The following GREM2 variants were observed in gnomAD, a reference collection of about 807,000 sequenced individuals.
The protein encoded by GREM2 is gremlin 2, DAN family BMP antagonist, also known as gremlin-2.
Under a neutral mutation model 14.2 loss-of-function variants are expected in GREM2, and 11 were observed. That is an observed-to-expected ratio of 0.78 (90% CI 0.49 to 1.28). The LOEUF (loss-of-function observed/expected upper bound fraction) is 1.28, where lower values mean the gene tolerates loss of function less well. Among genes scored for constraint, GREM2 ranks in the 50% most tolerant of loss-of-function variants. GREM2 has a pLI of 0.00. For synonymous variants in GREM2, 98 were observed against 97.6 expected (o/e 1.00, Z -0.02); for missense variants, 210 against 218.5 (o/e 0.96, Z 0.24).
intron 1 of GREM2, among the ~76,000 whole-genome samples, chr1:240,562,788 T>TGA (rs1491305190): frequency 1.4e-5 from 2 of 144,240 alleles, no homozygotes; most frequent in African/African-American, 2.4e-5. Flanking sequence ...TGAGTGTGTA[T>TGA]GTGTGTATGT....
chr1:240,574,010 C>T (rs1015388191), intron 1 of GREM2, among the ~76,000 whole-genome samples: 14 of 152,128 alleles, frequency 9.2e-5, no homozygotes, highest in African/African-American at 3.1e-4. Flanking sequence ...ACCTCTGCCT[C>T]CCAGGTTCAG....
chr1:240,504,486 G>C (rs1677639012), intron 1 of GREM2, among the ~76,000 whole-genome samples: 1 of 152,138 alleles, frequency 6.6e-6, no homozygotes, highest in Non-Finnish European at 1.5e-5. Flanking sequence ...TGTTGAGGAA[G>C]TGCCTACAAT....
chr1:240,599,995 T>G (rs965510757), intron 1 of GREM2, among the ~76,000 whole-genome samples: 1 of 152,190 alleles, frequency 6.6e-6, no homozygotes, highest in East Asian at 1.9e-4. Flanking sequence ...CTGGCACATA[T>G]CCTGCAGCTG....
intron 1 of GREM2, among the ~76,000 whole-genome samples, chr1:240,603,658 G>A (rs1402342735): frequency 6.6e-6 from 1 of 152,006 alleles, no homozygotes; most frequent in Non-Finnish European, 1.5e-5. Flanking sequence ...CCCATGGACT[G>A]CCTTAAAGTC....
rs1433069975 is a variant in GREM2 at position 240,532,176 on chromosome 1, C to A, written c.-1-38700G>T. 5.3e-5 allele frequency among the ~76,000 whole-genome samples: 8 copies of A among 151,278 alleles called. No homozygotes were observed. In the East Asian group the frequency reaches 1.2e-3, roughly 23 times the overall value. ...TCGGCTCACTGCAACCTCCGCCTCC[C>A]AGGTTCAAGTGATTCTCCTGCCTCA... On this transcript the variant is annotated intron_variant, in intron 1 of 1. Coordinates refer to ENST00000318160, the MANE Select transcript of GREM2 (RefSeq NM_022469.4).
rs192570197 is a variant in GREM2 at position 240,519,683 on chromosome 1, T to C, written c.-1-26207A>G. 3.3e-3 allele frequency among the ~76,000 whole-genome samples: 500 copies of C among 152,300 alleles called. 5 individuals are homozygous for C. The highest frequency in any genetic ancestry group is 0.029 in the South Asian group (142 of 4,824). ...TTGTTTGTCTACTCTGTACTGGGGA[T>C]AAAAAGATACATTTTTTTTTTCTTG... On this transcript the variant is annotated intron_variant, in intron 1 of 1. Coordinates refer to ENST00000318160, the MANE Select transcript of GREM2 (RefSeq NM_022469.4).
chr1:240,568,828 T>C (rs1679212350), intron 1 of GREM2, among the ~76,000 whole-genome samples: 1 of 152,184 alleles, frequency 6.6e-6, no homozygotes, highest in South Asian at 2.1e-4. Context: ...GGTTGCAGGA[T>C]AAAAGGTCAA....
chr1:240,547,522 T>TAG (rs1558158085), intron 1 of GREM2, among the ~76,000 whole-genome samples: 3 of 125,272 alleles, frequency 2.4e-5, no homozygotes, highest in East Asian at 2.4e-4. Context: ...AAAATATATA[T>TAG]ATATATATAT....
intron 1 of GREM2, among the ~76,000 whole-genome samples, chr1:240,496,253 G>A (rs1300661344): frequency 1.3e-5 from 2 of 152,032 alleles, no homozygotes; most frequent in African/African-American, 4.8e-5. Flanking sequence ...TCACAGGGTC[G>A]GACGAGCCTT....
chr1:240,574,318 A>G (rs528706067), intron 1 of GREM2, among the ~76,000 whole-genome samples: 5 of 152,272 alleles, frequency 3.3e-5, no homozygotes, highest in African/African-American at 1.2e-4. Flanking sequence ...ATAATGCAAA[A>G]AGGTATCATC....
At chr1:240,563,028 A>G (rs1444485762) in intron 1 of GREM2, among the ~76,000 whole-genome samples, 1 of 139,886 alleles carries the variant, frequency 7.1e-6, no homozygotes, top group Non-Finnish European at 1.5e-5. Context: ...GTATGTGTGT[A>G]TATGAGTGTG....
At chr1:240,582,162 G>C (rs555199449) in intron 1 of GREM2, among the ~76,000 whole-genome samples, 2 of 152,332 alleles carry the variant, frequency 1.3e-5, no homozygotes, top group South Asian at 4.1e-4. Flanking sequence ...GGATGGCCGG[G>C]CTCGATGGCT....
intron 1 of GREM2, among the ~76,000 whole-genome samples, chr1:240,563,186 CGT>C (rs548877103): frequency 1.9e-3 from 286 of 147,230 alleles, no homozygotes; most frequent in African/African-American, 4.9e-3. Flanking sequence ...TGTATGTGTA[CGT>C]GTGTGAGTGT....
intron 1 of GREM2, among the ~76,000 whole-genome samples, chr1:240,509,837 A>G (rs78903083): frequency 0.031 from 4,779 of 152,246 alleles, 265 homozygotes; most frequent in African/African-American, 0.11. Flanking sequence ...TGCATATTCA[A>G]TATGAAGAAG....
intron 1 of GREM2, among the ~76,000 whole-genome samples, chr1:240,580,053 C>T (rs1356973308): frequency 1.3e-5 from 2 of 152,018 alleles, no homozygotes; most frequent in African/African-American, 4.8e-5. Context: ...ATTTAGACTC[C>T]GCTTCTGGAT....
chr1:240,526,610 A>G (rs1025211206), intron 1 of GREM2, among the ~76,000 whole-genome samples: 1 of 152,134 alleles, frequency 6.6e-6, no homozygotes, highest in African/African-American at 2.4e-5. Context: ...TAAATATTCT[A>G]TTACTGATCT....
chr1:240,535,215 C>T (rs1678448924), intron 1 of GREM2, among the ~76,000 whole-genome samples: 1 of 151,820 alleles, frequency 6.6e-6, no homozygotes, highest in South Asian at 2.1e-4. Context: ...TCCATTATAC[C>T]CACGATAACA....
At chr1:240,583,642 G>T (rs369411328) in intron 1 of GREM2, among the ~76,000 whole-genome samples, 1 of 146,442 alleles carries the variant, frequency 6.8e-6, no homozygotes, top group East Asian at 2.0e-4. Context: ...TCACTCTGTC[G>T]CCAGGCTGGA....
chr1:240,606,153 A>C (rs1680020409), intron 1 of GREM2, among the ~76,000 whole-genome samples: 1 of 152,190 alleles, frequency 6.6e-6, no homozygotes, highest in Non-Finnish European at 1.5e-5. Flanking sequence ...GCTCTAAATT[A>C]GCTGCAGCTG....
Sources: allele counts gnomAD v4.1 joint callset (sites outside exome capture counted in the v4.1 genomes callset), GRCh38; gene constraint gnomAD v4.1.1; transcripts MANE v1.5; gene names NCBI Gene and HGNC (gene_info 2026-07-23, HGNC 2026-07-21).